The following POU6F2 variants were observed in gnomAD, a reference collection of about 807,000 sequenced individuals.
POU6F2 encodes the protein POU domain, class 6, transcription factor 2.
POU6F2 carries 31 observed loss-of-function variants against 71.3 expected under a neutral mutation model. The observed-to-expected ratio is 0.43, with a 90% CI of 0.33 to 0.59. The LOEUF is 0.59. Ranked by LOEUF, POU6F2 falls within the 20% of genes least tolerant of loss-of-function variation. POU6F2 has a pLI of 0.04. For synonymous variants in POU6F2, 347 were observed against 355.7 expected (o/e 0.98, Z 0.27); for missense variants, 783 against 856.8 (o/e 0.91, Z 1.07).
intron 1 of POU6F2, among the ~76,000 whole-genome samples, chr7:38,989,593 G>A (rs1213606484): frequency 1.3e-5 from 2 of 151,976 alleles, no homozygotes; most frequent in Non-Finnish European, 2.9e-5. Context: ...ATTTTTTAGG[G>A]ATAAATTATT....
At chr7:39,141,889 C>A (rs1433811242) in intron 2 of POU6F2, among the ~76,000 whole-genome samples, 1 of 152,094 alleles carries the variant, frequency 6.6e-6, no homozygotes, top group Non-Finnish European at 1.5e-5. Context: ...AGATCAAGAC[C>A]AGCCTGGCCA....
chr7:39,024,629 A>G (rs1301188046), intron 1 of POU6F2, among the ~76,000 whole-genome samples: 1 of 152,224 alleles, frequency 6.6e-6, no homozygotes, highest in East Asian at 1.9e-4. Flanking sequence ...TCAGTATGAT[A>G]TTGGCTGTGG....
At chr7:38,984,124 C>G (rs1410955594) in intron 1 of POU6F2, 1 of 152,052 alleles carries the variant, frequency 6.6e-6, no homozygotes, top group African/African-American at 2.4e-5. Context: ...CTATTTTCAG[C>G]CTTCCCCCGA....
At chr7:39,308,066 C>T (rs2128766247) in intron 4 of POU6F2, among the ~76,000 whole-genome samples, 1 of 152,304 alleles carries the variant, frequency 6.6e-6, no homozygotes, top group South Asian at 2.1e-4. Flanking sequence ...GTGCCAGGTG[C>T]CACCGAACAA....
At chr7:39,017,047 A>G (rs577382870) in intron 1 of POU6F2, among the ~76,000 whole-genome samples, 1 of 152,204 alleles carries the variant, frequency 6.6e-6, no homozygotes, top group Admixed American at 6.5e-5. Flanking sequence ...CTGTATGTAT[A>G]AGGTTTTACA....
At chr7:39,177,035 T>C (rs890788079) in intron 2 of POU6F2, among the ~76,000 whole-genome samples, 2 of 152,186 alleles carry the variant, frequency 1.3e-5, no homozygotes, top group African/African-American at 4.8e-5. Flanking sequence ...GCTCACTCAG[T>C]TTAAAATCTT....
At chr7:39,137,128 C>T (rs1775254085) in intron 2 of POU6F2, among the ~76,000 whole-genome samples, 1 of 151,362 alleles carries the variant, frequency 6.6e-6, no homozygotes, top group Admixed American at 6.6e-5. Flanking sequence ...TATCAGAAAG[C>T]TAAAAGAGGA....
intron 1 of POU6F2, among the ~76,000 whole-genome samples, chr7:39,032,891 T>C (rs1789977362): frequency 6.6e-6 from 1 of 152,178 alleles, no homozygotes; most frequent in Non-Finnish European, 1.5e-5. Flanking sequence ...ACATCTTCTG[T>C]CTAAATTCTT....
chr7:39,273,594 A>G, intron 4 of POU6F2, among the ~76,000 whole-genome samples: 1 of 152,250 alleles, frequency 6.6e-6, no homozygotes, highest in Middle Eastern at 3.4e-3. Context: ...TAAATATAAC[A>G]TGGTACCCTG....
At chr7:38,979,502 C>T (rs1453203014) in intron 1 of POU6F2, among the ~76,000 whole-genome samples, 1 of 152,076 alleles carries the variant, frequency 6.6e-6, no homozygotes, top group Non-Finnish European at 1.5e-5. Context: ...TTAAAACTTT[C>T]AAGTTAATTT....
chr7:38,998,653 C>T (rs568913275), intron 1 of POU6F2, among the ~76,000 whole-genome samples: 1 of 133,474 alleles, frequency 7.5e-6, no homozygotes, highest in African/African-American at 2.7e-5. Flanking sequence ...GTGTTAATCA[C>T]ATTTTTTTTT....
intron 6 of POU6F2, among the ~76,000 whole-genome samples, chr7:39,419,187 A>G (rs1349191067): frequency 5.8e-5 from 8 of 138,510 alleles, no homozygotes; most frequent in African/African-American, 1.6e-4. Flanking sequence ...GTATATATGT[A>G]TATATTTTTT....
At position 39,283,562 on chromosome 7, in the gene POU6F2, T is replaced by C. The variant is rs546829850; in HGVS notation, c.599-56080T>C. On this transcript the variant is annotated intron_variant, in intron 4 of 9. Transcript: ENST00000518318. ...TGACTGGCTTATTTCATTAGGGTAC[T>C]GTCTTCAAGTTTCATTCATGTTGTA... Among the ~76,000 whole-genome samples the C allele has an allele frequency of 2.0e-5, 3 of 152,364 alleles. No individual in the cohort carries two copies. The South Asian group carries it at 6.2e-4, about 32-fold the overall frequency.
At chr7:39,189,425 C>T (rs1793614092) in intron 2 of POU6F2, among the ~76,000 whole-genome samples, 1 of 152,170 alleles carries the variant, frequency 6.6e-6, no homozygotes, top group South Asian at 2.1e-4. Context: ...TGTCGCCAGG[C>T]CGGAGTGCAG....
intron 1 of POU6F2, among the ~76,000 whole-genome samples, chr7:39,082,816 A>ACC (rs1424527984): frequency 1.3e-5 from 2 of 151,606 alleles, no homozygotes; most frequent in East Asian, 1.9e-4. Flanking sequence ...ACACACACAC[A>ACC]CACACACACA....
At chr7:39,267,215 A>G (rs1784262666) in intron 4 of POU6F2, among the ~76,000 whole-genome samples, 1 of 152,206 alleles carries the variant, frequency 6.6e-6, no homozygotes, top group African/African-American at 2.4e-5. Flanking sequence ...GGAATAGGAA[A>G]GAGAACACAC....
intron 1 of POU6F2, among the ~76,000 whole-genome samples, chr7:39,016,157 A>T (rs1389251719): frequency 9.3e-6 from 1 of 107,480 alleles, no homozygotes; most frequent in African/African-American, 3.3e-5. Context: ...TTATATATAG[A>T]TATAATATTA....
At chr7:39,266,136 G>A (rs1297199656) in intron 4 of POU6F2, among the ~76,000 whole-genome samples, 4 of 152,260 alleles carry the variant, frequency 2.6e-5, no homozygotes. Flanking sequence ...TCATGGATTG[G>A]AATCCAGCTG....
At chr7:39,355,723 A>C (rs929819562) in intron 5 of POU6F2, among the ~76,000 whole-genome samples, 4 of 152,174 alleles carry the variant, frequency 2.6e-5, no homozygotes, top group Non-Finnish European at 5.9e-5. Flanking sequence ...TTCAAGTTTC[A>C]ACATTATACC....
Sources: gnomAD v4.1 joint callset for allele counts (sites outside exome capture counted in the v4.1 genomes callset) on GRCh38, gnomAD v4.1.1 for gene constraint, MANE v1.5 for transcripts, NCBI Gene and HGNC (gene_info 2026-07-23, HGNC 2026-07-21) for gene names.